NFE2L1: variants seen among roughly 807,000 people sequenced by gnomAD.
The protein encoded by NFE2L1 is endoplasmic reticulum membrane sensor NFE2L1.
In NFE2L1, 18 loss-of-function variants were observed where a neutral mutation model predicts 61.6. The observed-to-expected ratio is 0.29, with a 90% CI of 0.20 to 0.43. The LOEUF (loss-of-function observed/expected upper bound fraction) is 0.43, where lower values mean the gene tolerates loss of function less well. NFE2L1 is among the 20% of genes least tolerant of loss of function. The probability of loss-of-function intolerance (pLI) is 1.00; values close to 1 mark genes in which losing one functional copy is unlikely to be tolerated. For synonymous variants in NFE2L1, 419 were observed against 402.7 expected (o/e 1.04, Z -0.48); for missense variants, 827 against 973.5 (o/e 0.85, Z 2.00).
chr17:48,059,991 A>G lies in NFE2L1; in HGVS notation c.*350A>G, dbSNP rs1322411633. On this transcript the variant is annotated 3_prime_UTR_variant, in exon 6 of 6. Coordinates refer to ENST00000362042, the MANE Select transcript of NFE2L1 (RefSeq NM_003204.3). The surrounding 1 kb of genome is among the most constrained non-coding windows in gnomAD (Gnocchi z 6.1). ...CTGTGAGAGGAAGGGAAGGTGGCAG[A>G]AAGTCTCATTTCAGGAAGGAGGGAT... The G allele has an allele frequency of 4.8e-6, 1 of 207,666 alleles. No homozygotes were observed. Among genetic ancestry groups the G allele is most frequent in the Non-Finnish European group, 9.4e-6 (1 of 106,334 alleles). The allele number at this position is 207,666 out of a possible 1,614,324, so 12.9% of individuals were successfully genotyped here. A position where few individuals can be genotyped will look rare whatever the true frequency, so the allele number is the denominator to read the frequency against.
intron 5 of NFE2L1, 69 bp from the exon 6 acceptor site, chr17:48,058,226 C>A: frequency 1.3e-6 from 2 of 1,512,198 alleles, no homozygotes; most frequent in South Asian, 1.4e-5. Flanking sequence ...TGTTGGGTGC[C>A]TGCAGTGTGT....
In NFE2L1 at chr17:48,056,567, A is replaced by G. The variant is rs758350219; in HGVS notation, c.692A>G (p.Asp231Gly). ...AEALARNLLV[D>G]GETGESFPAQ... ...GCTCTGGCACGGAACCTGCTAGTGG[A>G]TGGAGAGACTGGGGAGAGCTTCCCT... Residue 231 changes from aspartate (D) to glycine (G), a missense_variant, in exon 3 of 6, where the codon GAT becomes GGT. By Grantham distance (94) the Asp-to-Gly change is moderately conservative. Transcript: ENST00000362042. 1.2e-6 allele frequency: 2 copies of G among 1,613,610 alleles called. No individual in the cohort carries two copies. Among genetic ancestry groups the G allele is most frequent in the South Asian group, 2.2e-5 (2 of 91,072 alleles).
Position 48,057,012 on chromosome 17 carries a change from T to TA in NFE2L1, c.724-19dup, listed in dbSNP as rs1300360263. 17 of 1,613,534 alleles carry TA rather than the reference T, an allele frequency of 1.1e-5. No individual in the cohort carries two copies. Among genetic ancestry groups the TA allele is most frequent in the Non-Finnish European group, 1.3e-5 (15 of 1,179,688 alleles). On this transcript the variant is annotated intron_variant, in intron 3 of 5. Transcript: ENST00000362042. ...AGCCAAGGCCCAGGTCAATCAGACT[T>TA]ACAGTTCCTGTTGCCACAGGTGCCT...
At chr17:48,049,966 G>A (rs2037206596) in intron 1 of NFE2L1, among the ~76,000 whole-genome samples, 1 of 152,214 alleles carries the variant, frequency 6.6e-6, no homozygotes, top group Non-Finnish European at 1.5e-5. Flanking sequence ...TGTAGTGGGG[G>A]AGGAGGGCTG....
In NFE2L1 at chr17:48,058,632, C is replaced by T; in HGVS notation, c.1310C>T (p.Pro437Leu). The change falls in exon 6 of 6, where the codon CCT becomes CTT. Residue 437 changes from proline (P) to leucine (L), a missense_variant. By Grantham distance (98) the Pro-to-Leu change is moderately conservative. Around this residue, in one of 3 missense-constraint regions of NFE2L1, gnomAD observed 667 missense variants for 748.4 expected, o/e 0.89. Transcript: ENST00000362042. ...ACAGCAGGCCCAGAGCTGCCTGACC[C>T]TTTGGGGGGTCTGTTAGATGAAGCT... ...NDTAGPELPD[P>L]LGGLLDEAML... is the part of the protein sequence containing the mutation. 1.9e-6 allele frequency: 3 copies of T among 1,614,154 alleles called. No homozygotes were observed. Among genetic ancestry groups the T allele is most frequent in the Non-Finnish European group, 2.5e-6 (3 of 1,180,012 alleles).
intron 3 of NFE2L1, 87 bp downstream of exon 3, chr17:48,056,685 T>C: frequency 6.7e-7 from 1 of 1,493,842 alleles, no homozygotes; most frequent in Non-Finnish European, 9.1e-7. Flanking sequence ...AAACTTCCTT[T>C]AGAGAAGACA....
intron 2 of NFE2L1, chr17:48,054,658 T>TG (rs1051356476): frequency 3.4e-4 from 82 of 240,854 alleles, no homozygotes; most frequent in South Asian, 1.7e-3. Flanking sequence ...TTGGGGGGCG[T>TG]GGGGGGGAGG....
chr17:48,054,601 TG>T, intron 2 of NFE2L1: 2 of 355,274 alleles, frequency 5.6e-6, no homozygotes, highest in Non-Finnish European at 3.5e-6. Flanking sequence ...ACCTGCGGGG[TG>T]GGAGGGGGTG....
chr17:48,058,945 T>C lies in NFE2L1; in HGVS notation c.1623T>C (p.Ala541=), dbSNP rs765172811. 3 of 1,614,022 alleles carry C rather than the reference T, an allele frequency of 1.9e-6. No homozygotes were observed. Among genetic ancestry groups the C allele is most frequent in the East Asian group, 4.5e-5 (2 of 44,872 alleles). The change falls in exon 6 of 6, where the codon GCT becomes GCC. Residue 541 remains alanine (A), a synonymous_variant. Transcript: ENST00000362042. ...ETLDLEEAEG[A]VGYQPEYSKF... ...TGGATCTGGAAGAGGCCGAGGGTGC[T>C]GTGGGCTACCAGCCTGAGTATTCCA...
intron 1 of NFE2L1, among the ~76,000 whole-genome samples, chr17:48,049,389 CTTTCTTTTT>C (rs2037185571): frequency 1.3e-5 from 2 of 152,146 alleles, no homozygotes; most frequent in Admixed American, 1.3e-4. Context: ...CTTTTCTTTT[CTTTCTTTTT>C]TTTCTTTTTT....
chr17:48,051,520 A>T lies in NFE2L1; in HGVS notation c.402A>T (p.Thr134=). ...GTTCCAGTGGCCTCCAAGATGTGAC[A>T]GGCCCAGACAACGGGGTGCGAGAAA... is the stretch of plus-strand genomic sequence containing the variant. ...LESSSGLQDV[T]GPDNGVRESE... is the part of the protein sequence containing the mutation. Residue 134 remains threonine, a synonymous_variant, in exon 2 of 6, where the codon ACA becomes ACT. Coordinates refer to ENST00000362042, the MANE Select transcript of NFE2L1 (RefSeq NM_003204.3). 1 of 1,614,192 alleles carries T rather than the reference A, an allele frequency of 6.2e-7. No individual in the cohort carries two copies. The highest frequency in any genetic ancestry group is 1.3e-5 in the African/African-American group (1 of 75,038).
intron 2 of NFE2L1, chr17:48,054,716 A>G (rs897014154): frequency 7.0e-6 from 9 of 1,292,640 alleles, no homozygotes; most frequent in Non-Finnish European, 7.8e-6. Context: ...CTGCAGCTTG[A>G]GCACGGAGCA....
In NFE2L1 at chr17:48,057,014, C is replaced by T; in HGVS notation, c.724-18C>T. On this transcript the variant is annotated intron_variant, in intron 3 of 5. Coordinates refer to ENST00000362042, the MANE Select transcript of NFE2L1 (RefSeq NM_003204.3). Reference sequence around the variant, plus strand: ...CCAAGGCCCAGGTCAATCAGACTTACAGTTCCTGTTGCCACAGGTGCCTAG... The same window carrying T: ...CCAAGGCCCAGGTCAATCAGACTTATAGTTCCTGTTGCCACAGGTGCCTAG... The T allele has an allele frequency of 6.2e-7, 1 of 1,613,578 alleles. No individual in the cohort carries two copies. Among genetic ancestry groups the T allele is most frequent in the Non-Finnish European group, 8.5e-7 (1 of 1,179,610 alleles).
At position 48,059,752 on chromosome 17, in the gene NFE2L1, A is replaced by AT; in HGVS notation, c.*112dup. On this transcript the variant is annotated 3_prime_UTR_variant, in exon 6 of 6. Coordinates refer to ENST00000362042, the MANE Select transcript of NFE2L1 (RefSeq NM_003204.3). The surrounding 1 kb of genome is among the most constrained non-coding windows in gnomAD (Gnocchi z 6.1). The stretch of plus-strand genomic sequence containing the variant: ...GGACTTAAATGCCTTCTTATCCAAT[A>AT]TATCTTCTCAGATGGGATGACTGCG... 2.8e-6 allele frequency: 4 copies of AT among 1,407,924 alleles called. No homozygotes were observed. The East Asian group carries it at 9.9e-5, about 35-fold the overall frequency. The allele number at this position is 1,407,924 out of a possible 1,614,324, so 87.2% of individuals were successfully genotyped here.
Position 48,058,835 on chromosome 17 carries a change from T to A in NFE2L1, c.1513T>A (p.Ser505Thr), listed in dbSNP as rs752526304. The change falls in exon 6 of 6, where the codon TCC becomes ACC. Residue 505 changes from serine (S) to threonine (T), a missense_variant. This residue lies in a region of NFE2L1 where 667 missense variants were observed against 748.4 expected (regional missense o/e 0.89). Transcript: ENST00000362042. ...GSSSSSSSSS[S>T]SSSSASSSAS... is the part of the protein sequence containing the mutation. Reference sequence around the variant, plus strand: ...TTCTTCCTCTTCTTCCTCCTCCTCTTCCTCTTCTTCCTCTGCTTCTTCCTC... The same window carrying A: ...TTCTTCCTCTTCTTCCTCCTCCTCTACCTCTTCTTCCTCTGCTTCTTCCTC... 3 of 1,613,888 alleles carry A rather than the reference T, an allele frequency of 1.9e-6. No homozygotes were observed. The Admixed American group carries it at 5.0e-5, about 27-fold the overall frequency.
Position 48,058,656 on chromosome 17 carries a change from C to G in NFE2L1, c.1334C>G (p.Ala445Gly). ...CCTTTGGGGGGTCTGTTAGATGAAG[C>G]TATGTTGGATGAGATCAGCCTTATG... is the stretch of plus-strand genomic sequence containing the variant. Reference protein sequence around the residue: ...PDPLGGLLDEAMLDEISLMDL... With the variant: ...PDPLGGLLDEGMLDEISLMDL... The change falls in exon 6 of 6, where the codon GCT becomes GGT. Residue 445 changes from alanine to glycine, a missense_variant. Ala to Gly is a moderately conservative substitution (Grantham distance 60). Transcript: ENST00000362042. 1 of 1,614,176 alleles carries G rather than the reference C, an allele frequency of 6.2e-7. No individual in the cohort carries two copies. Among genetic ancestry groups the G allele is most frequent in the Admixed American group, 1.7e-5 (1 of 60,012 alleles).
rs1347158582 is a variant in NFE2L1, at chr17:48,050,984, G to A, written c.-135G>A. The A allele has an allele frequency of 1.0e-5, 11 of 1,081,662 alleles. No homozygotes were observed. The highest frequency in any genetic ancestry group is 1.5e-5 in the Non-Finnish European group (11 of 742,084). 67.0% of individuals were successfully genotyped at this position (1,081,662 alleles called of 1,614,324 possible). On this transcript the variant is annotated 5_prime_UTR_variant, in exon 2 of 6. Transcript: ENST00000362042. ...GGCCGTCAGGGAGCTCATCCCTTGTGTTCTGCCAGGGTGGGGTACGGGGTT... is the reference window on the plus strand; with the variant it reads ...GGCCGTCAGGGAGCTCATCCCTTGTATTCTGCCAGGGTGGGGTACGGGGTT...
At position 48,060,969 on chromosome 17, in the gene NFE2L1, T is replaced by C. The variant is rs1040755726; in HGVS notation, c.*1328T>C. The C allele has an allele frequency of 2.0e-5, 3 of 152,702 alleles. No homozygotes were observed. The highest frequency in any genetic ancestry group is 4.8e-5 in the African/African-American group (2 of 41,468). 9.5% of individuals were successfully genotyped at this position (152,702 alleles called of 1,614,324 possible). The stretch of plus-strand genomic sequence containing the variant: ...GTAACTGTGTGAACACTTGGGATTT[T>C]TCTCCTCTGTCCCGAGGTCGTCGTC... On this transcript the variant is annotated 3_prime_UTR_variant, in exon 6 of 6. Coordinates refer to ENST00000362042, the MANE Select transcript of NFE2L1 (RefSeq NM_003204.3).
chr17:48,049,910 C>T (rs2037204308), intron 1 of NFE2L1, among the ~76,000 whole-genome samples: 1 of 152,088 alleles, frequency 6.6e-6, no homozygotes, highest in Admixed American at 6.5e-5. Flanking sequence ...ACTTTTAAGA[C>T]AGGAAATGGG....
Sources: gnomAD v4.1 joint callset for allele counts (sites outside exome capture counted in the v4.1 genomes callset) on GRCh38, gnomAD v4.1.1 for gene constraint, gnomAD v4.1.1 regional missense constraint, Gnocchi (gnomAD v3.1) non-coding constraint, MANE v1.5 for transcripts, NCBI Gene and HGNC (gene_info 2026-07-23, HGNC 2026-07-21) for gene names.